The following SHROOM3 variants were observed in gnomAD, a reference collection of about 807,000 sequenced individuals.
SHROOM3 encodes the protein protein Shroom3.
In SHROOM3, 47 loss-of-function variants were observed where a neutral mutation model predicts 138.6. The ratio of observed to expected loss-of-function variants is 0.34; its 90% CI spans 0.27 to 0.43. SHROOM3 has a LOEUF of 0.43. SHROOM3 is among the 20% of genes least tolerant of loss of function. SHROOM3 has a pLI of 1.00. For missense variants in SHROOM3, 2,491 were observed against 2,596.5 expected (o/e 0.96, Z 0.88); for synonymous variants, 1,062 against 1,063.3 (o/e 1.00, Z 0.02).
In SHROOM3 at chr4:76,689,428, G is replaced by A. The variant is rs1020317911; in HGVS notation, c.324-20728G>A. On this transcript the variant is annotated intron_variant, in intron 2 of 10. Transcript: ENST00000296043. ...GCGCGGGGTGGACTGAGCGGGCCCG[G>A]GCGGGACGAGAGGTGGGCGAGCGCC... 3 of 758,286 alleles carry A rather than the reference G, an allele frequency of 4.0e-6. No individual in the cohort carries two copies. The Admixed American group carries it at 2.3e-4, about 57-fold the overall frequency. The allele number at this position is 758,286 out of a possible 1,614,324, so 47.0% of individuals were successfully genotyped here.
intron 1 of SHROOM3, among the ~76,000 whole-genome samples, chr4:76,549,104 T>C (rs1462105257): frequency 1.3e-5 from 2 of 152,216 alleles, no homozygotes; most frequent in Non-Finnish European, 2.9e-5. Flanking sequence ...AAATCCCTGA[T>C]GAATAGTTCA....
At chr4:76,749,177 G>A (rs113253771) in intron 6 of SHROOM3, 87 bp downstream of exon 6, 2 of 1,279,068 alleles carry the variant, frequency 1.6e-6, no homozygotes, top group African/African-American at 2.9e-5. Context: ...AAATTGAAAT[G>A]TGATGTCATA....
chr4:76,705,577 G>GA (rs1720027209), intron 2 of SHROOM3, among the ~76,000 whole-genome samples: 1 of 152,180 alleles, frequency 6.6e-6, no homozygotes, highest in East Asian at 1.9e-4. Context: ...GGCAGGCAGA[G>GA]CAAATATGAA....
Position 76,741,221 on chromosome 4 carries a change from G to A in SHROOM3, c.3048G>A (p.Lys1016=), listed in dbSNP as rs541018723. 5.0e-6 allele frequency: 8 copies of A among 1,609,846 alleles called. No homozygotes were observed. Among genetic ancestry groups the A allele is most frequent in the East Asian group, 2.2e-5 (1 of 44,698 alleles). Reference sequence around the variant, plus strand: ...GCCGGCGCCTGACTCCCGAGCAGAAGAAGCGCTCCTACTCGGAGCCCGAGA... The same window carrying A: ...GCCGGCGCCTGACTCCCGAGCAGAAAAAGCGCTCCTACTCGGAGCCCGAGA... ...GARRRLTPEQ[K]KRSYSEPEKM... Residue 1016 remains lysine, a synonymous_variant, in exon 5 of 11, where the codon AAG becomes AAA. Transcript: ENST00000296043. The surrounding 1 kb of genome is among the most constrained non-coding windows in gnomAD (Gnocchi z 6.2).
At chr4:76,609,517 T>C (rs1261191045) in intron 2 of SHROOM3, among the ~76,000 whole-genome samples, 1 of 152,252 alleles carries the variant, frequency 6.6e-6, no homozygotes, top group Non-Finnish European at 1.5e-5. Flanking sequence ...GAGATTCTCC[T>C]GCCTCAGCCT....
chr4:76,652,708 G>A (rs1735985564), intron 2 of SHROOM3, among the ~76,000 whole-genome samples: 1 of 152,028 alleles, frequency 6.6e-6, no homozygotes, highest in Non-Finnish European at 1.5e-5. Flanking sequence ...TCCAGGTTAT[G>A]AGTTCATGCA....
intron 1 of SHROOM3, among the ~76,000 whole-genome samples, chr4:76,552,349 A>G (rs1190155288): frequency 1.3e-5 from 2 of 150,880 alleles, no homozygotes; most frequent in Admixed American, 1.3e-4. Context: ...TCTACAAAAA[A>G]TACAAAAATT....
At chr4:76,705,979 C>T (rs1029976769) in intron 2 of SHROOM3, among the ~76,000 whole-genome samples, 1 of 152,202 alleles carries the variant, frequency 6.6e-6, no homozygotes, top group Non-Finnish European at 1.5e-5. Context: ...CTCTTGACTA[C>T]CCTAAAACCT....
chr4:76,771,529 G>A (rs1450539182), intron 10 of SHROOM3, among the ~76,000 whole-genome samples: 1 of 152,148 alleles, frequency 6.6e-6, no homozygotes, highest in African/African-American at 2.4e-5. Context: ...AACAGGGAGG[G>A]GGCAGGAACA....
chr4:76,461,323 A>G (rs890160456), intron 1 of SHROOM3, among the ~76,000 whole-genome samples: 1 of 152,234 alleles, frequency 6.6e-6, no homozygotes, highest in African/African-American at 2.4e-5. Flanking sequence ...TGTGGTACTC[A>G]CATCAATCAT....
At chr4:76,486,728 T>C (rs1731739159) in intron 1 of SHROOM3, among the ~76,000 whole-genome samples, 1 of 152,166 alleles carries the variant, frequency 6.6e-6, no homozygotes, top group Admixed American at 6.5e-5. Flanking sequence ...ACGCTCTCTA[T>C]GGTTGTACAA....
In SHROOM3 at chr4:76,739,359, C is replaced by T. The variant is rs755595009; in HGVS notation, c.1186C>T (p.Arg396Trp). The change falls in exon 5 of 11, where the codon CGG becomes TGG. Residue 396 changes from arginine to tryptophan, a missense_variant. Arg to Trp is a moderately radical substitution (Grantham distance 101). Transcript: ENST00000296043. ...TCGGAGTGACAGTTACGCAGCATTT[C>T]GGCACCGTGAGCGGCCCAGCTCCTG... ...PARSDSYAAF[R>W]HRERPSSWSS... is the part of the protein sequence containing the mutation. 3.2e-5 allele frequency: 52 copies of T among 1,614,110 alleles called. 1 individual carries two copies. The South Asian group carries it at 3.3e-4, about 10-fold the overall frequency.
intron 10 of SHROOM3, among the ~76,000 whole-genome samples, chr4:76,776,813 A>G (rs2109798712): frequency 6.6e-6 from 1 of 152,306 alleles, no homozygotes; most frequent in East Asian, 1.9e-4. Flanking sequence ...ATTCTTCTAC[A>G]TGTGGCTTAC....
rs910399816 is a variant in SHROOM3, at chr4:76,587,727, T to A, written c.323+31964T>A. ...TGAATAAAAGCACCAGAAATGGCAT[T>A]ACCCATCAGATGAAATATGATCATC... On this transcript the variant is annotated intron_variant, in intron 2 of 10. Transcript: ENST00000296043. Among the ~76,000 whole-genome samples, 3 of 152,204 alleles carry A rather than the reference T, an allele frequency of 2.0e-5. No homozygotes were observed. In the East Asian group the frequency reaches 5.8e-4, roughly 29 times the overall value.
At chr4:76,462,063 C>A (rs1731152118) in intron 1 of SHROOM3, among the ~76,000 whole-genome samples, 1 of 152,286 alleles carries the variant, frequency 6.6e-6, no homozygotes, top group Admixed American at 6.5e-5. Flanking sequence ...TTAGCTCTTT[C>A]TCTACATCCC....
chr4:76,442,346 G>A (rs562741715), intron 1 of SHROOM3, among the ~76,000 whole-genome samples: 1 of 151,424 alleles, frequency 6.6e-6, no homozygotes, highest in African/African-American at 2.4e-5. Context: ...GTATCTGTGT[G>A]TATGTAAAGC....
chr4:76,470,313 G>A (rs1731343136), intron 1 of SHROOM3, among the ~76,000 whole-genome samples: 1 of 152,152 alleles, frequency 6.6e-6, no homozygotes. Context: ...TTGAAAACCA[G>A]TTCTCAAGAG....
chr4:76,731,695 C>T (rs1200457986), intron 4 of SHROOM3, among the ~76,000 whole-genome samples: 2 of 151,702 alleles, frequency 1.3e-5, no homozygotes, highest in Non-Finnish European at 2.9e-5. Context: ...GCAGAAGAAT[C>T]GCTTGAACCC....
chr4:76,773,146 G>T (rs61293054), intron 10 of SHROOM3, among the ~76,000 whole-genome samples: 12 of 152,040 alleles, frequency 7.9e-5, no homozygotes, highest in African/African-American at 2.7e-4. Context: ...GGAGGCCAAG[G>T]GGGGCAGATC....
Sources: gnomAD v4.1 joint callset for allele counts (sites outside exome capture counted in the v4.1 genomes callset) on GRCh38, gnomAD v4.1.1 for gene constraint, Gnocchi (gnomAD v3.1) non-coding constraint, MANE v1.5 for transcripts, NCBI Gene and HGNC (gene_info 2026-07-23, HGNC 2026-07-21) for gene names.